The following SLC1A6 variants were observed in gnomAD, a reference collection of about 807,000 sequenced individuals.
The protein encoded by SLC1A6 is excitatory amino acid transporter 4.
Under a neutral mutation model 42.1 loss-of-function variants are expected in SLC1A6, and 15 were observed. That is an observed-to-expected ratio of 0.36 (90% CI 0.24 to 0.55). The LOEUF is 0.55. Ranked by LOEUF, SLC1A6 falls within the 20% of genes least tolerant of loss-of-function variation. The pLI is 0.88. For synonymous variants in SLC1A6, 317 were observed against 319.7 expected, an observed-to-expected ratio of 0.99 and a Z score of 0.09; for missense variants, 542 against 772.5, an observed-to-expected ratio of 0.70 and a Z score of 3.54.
chr19:14,962,787 C>T lies in SLC1A6; in HGVS notation c.592-442G>A, dbSNP rs1435388183. ...GTGTGGCAGTGCGTGCCTGTAGTCC[C>T]AGCCACTTGGGAGGCTGAGGCAGGA... On this transcript the variant is annotated intron_variant, in intron 5 of 9. Coordinates refer to ENST00000594383, the MANE Select transcript of SLC1A6 (RefSeq NM_005071.3). Among the ~76,000 whole-genome samples the T allele has an allele frequency of 2.0e-5, 3 of 152,116 alleles. No homozygotes were observed. In the East Asian group the frequency reaches 5.8e-4, roughly 29 times the overall value.
At position 14,954,208 on chromosome 19, in the gene SLC1A6, C is replaced by T; in HGVS notation, c.1291G>A (p.Glu431Lys). The T allele has an allele frequency of 1.9e-6, 3 of 1,614,138 alleles. No individual in the cohort carries two copies. The highest frequency in any genetic ancestry group is 2.5e-6 in the Non-Finnish European group (3 of 1,180,006). Residue 431 changes from glutamate (E) to lysine (K), a missense_variant, in exon 8 of 10, where the codon GAG becomes AAG. By Grantham distance (56) the Glu-to-Lys change is moderately conservative. Around this residue, in one of 6 missense-constraint regions of SLC1A6, gnomAD observed 54 missense variants for 125.1 expected, o/e 0.43. Coordinates refer to ENST00000594383, the MANE Select transcript of SLC1A6 (RefSeq NM_005071.3). ...GCAATGAAGATGGCAGCCAGGGCCTCGTAGAGGGCAGTGCCATCCATGTTG... is the reference window on the plus strand; with the variant it reads ...GCAATGAAGATGGCAGCCAGGGCCTTGTAGAGGGCAGTGCCATCCATGTTG... ...TVNMDGTALY[E>K]ALAAIFIAQV...
chr19:15,002,392 T>C (rs1481348658), intron 1 of SLC1A6, among the ~76,000 whole-genome samples: 1 of 152,144 alleles, frequency 6.6e-6, no homozygotes, highest in Non-Finnish European at 1.5e-5. Context: ...TACCTCAGCC[T>C]CCCAAAGTGC....
intron 1 of SLC1A6, among the ~76,000 whole-genome samples, chr19:15,009,989 C>T (rs1276548648): frequency 6.7e-6 from 1 of 148,692 alleles, no homozygotes; most frequent in Admixed American, 6.8e-5. Flanking sequence ...ACCAGCCTGG[C>T]CAACATGGCG....
Position 14,950,059 on chromosome 19 carries a change from C to A in SLC1A6, c.*136G>T. 1.8e-6 allele frequency: 1 copy of A among 548,582 alleles called. No individual in the cohort carries two copies. Among genetic ancestry groups the A allele is most frequent in the Non-Finnish European group, 3.1e-6 (1 of 325,608 alleles). The allele number at this position is 548,582 out of a possible 1,614,324, so 34.0% of individuals were successfully genotyped here. On this transcript the variant is annotated 3_prime_UTR_variant, in exon 10 of 10. Coordinates refer to ENST00000594383, the MANE Select transcript of SLC1A6 (RefSeq NM_005071.3). ...ACCTTTCATTCCTGCTCCTTTATTT[C>A]ACTTTTCCCTCCCCCCTAAATGAGT...
upstream of SLC1A6, among the ~76,000 whole-genome samples, chr19:14,982,114 A>T (rs192395854): frequency 6.5e-4 from 99 of 152,210 alleles, no homozygotes; most frequent in African/African-American, 2.4e-3. Flanking sequence ...AGAAACTGTC[A>T]CAGCCGAGAG....
chr19:14,971,602 T>C (rs1248316953), intron 3 of SLC1A6, 135 bp downstream of exon 3: 8 of 884,160 alleles, frequency 9.0e-6, no homozygotes, highest in Non-Finnish European at 1.4e-5. Context: ...CCAAGGACGC[T>C]GGACCAGACA....
chr19:14,962,390 A>T, intron 5 of SLC1A6, 45 bp from the exon 6 acceptor site: 1 of 1,440,226 alleles, frequency 6.9e-7, no homozygotes, highest in South Asian at 1.2e-5. Context: ...CAGCGGATGC[A>T]TTAGAATCGC....
At chr19:15,000,799 G>T (rs998698507) in intron 1 of SLC1A6, among the ~76,000 whole-genome samples, 2 of 152,082 alleles carry the variant, frequency 1.3e-5, no homozygotes, top group Non-Finnish European at 2.9e-5. Flanking sequence ...ACACCAGTAG[G>T]ATCCAACCCA....
intron 1 of SLC1A6, chr19:14,974,983 A>C (rs1415162319): frequency 6.6e-6 from 1 of 151,614 alleles, no homozygotes; most frequent in East Asian, 2.0e-4. Flanking sequence ...GATTGTAGGC[A>C]TGAGACACCG....
chr19:14,959,227 CTT>C (rs1489262581), intron 6 of SLC1A6, among the ~76,000 whole-genome samples: 4 of 152,178 alleles, frequency 2.6e-5, no homozygotes, highest in Non-Finnish European at 4.4e-5. Context: ...TTTCTAAGTC[CTT>C]TTGTAAGCAA....
At chr19:14,956,203 A>G (rs1460284448) in intron 7 of SLC1A6, among the ~76,000 whole-genome samples, 1 of 152,174 alleles carries the variant, frequency 6.6e-6, no homozygotes, top group African/African-American at 2.4e-5. Context: ...GACTGAGCTC[A>G]TGGGGCATCC....
At position 14,968,310 on chromosome 19, in the gene SLC1A6, G is replaced by T. The variant is rs755608395; in HGVS notation, c.541C>A (p.Leu181Met). 6.2e-7 allele frequency: 1 copy of T among 1,612,024 alleles called. No individual in the cohort carries two copies. Among genetic ancestry groups the T allele is most frequent in the Non-Finnish European group, 8.5e-7 (1 of 1,178,808 alleles). Residue 181 changes from leucine (L) to methionine (M), a missense_variant, in exon 4 of 10, where the codon CTG becomes ATG. Physicochemically the swap from Leu to Met is conservative, Grantham distance 15. This residue lies in a region of SLC1A6 where 298 missense variants were observed against 419.4 expected (regional missense o/e 0.71). Transcript: ENST00000594383. ...TTTTTTAGGTTGGCACACCTGATCA[G>T]GTCCATGAAGGCATCAGCTGTGGGG... ...TIPTADAFMD[L>M]IRNMFPPNLV... is the part of the protein sequence containing the mutation.
intron 6 of SLC1A6, 92 bp from the exon 7 acceptor site, chr19:14,956,801 G>A: frequency 7.7e-6 from 6 of 778,864 alleles, no homozygotes; most frequent in Non-Finnish European, 1.3e-5. Context: ...CCCATATAGG[G>A]CCCTGGAGCC....
chr19:14,962,579 T>C (rs1460555901), intron 5 of SLC1A6, among the ~76,000 whole-genome samples: 3 of 152,162 alleles, frequency 2.0e-5, no homozygotes, highest in Non-Finnish European at 4.4e-5. Context: ...AAACCCATTA[T>C]GAAAAATCAT....
At chr19:14,980,967 T>G (rs1329625497), upstream of SLC1A6, among the ~76,000 whole-genome samples, 2 of 152,064 alleles carry the variant, frequency 1.3e-5, no homozygotes, top group African/African-American at 4.8e-5. Context: ...CAAACTTAGC[T>G]GTATTTTAAA....
upstream of SLC1A6, among the ~76,000 whole-genome samples, chr19:14,981,033 A>G (rs1291410430): frequency 6.6e-6 from 1 of 151,922 alleles, no homozygotes; most frequent in Non-Finnish European, 1.5e-5. Flanking sequence ...TGGCCCATGC[A>G]TGTAATCCCA....
intron 9 of SLC1A6, among the ~76,000 whole-genome samples, chr19:14,952,472 C>T (rs564870622): frequency 1.3e-5 from 2 of 151,412 alleles, no homozygotes; most frequent in Admixed American, 6.6e-5. Context: ...AGGAGAATGG[C>T]GTGAACCCAG....
At chr19:14,972,633 T>A in intron 2 of SLC1A6, 73 bp downstream of exon 2, 1 of 1,273,494 alleles carries the variant, frequency 7.9e-7, no homozygotes, top group Non-Finnish European at 1.1e-6. Context: ...CAAAGAGATG[T>A]GTAGAGGCCA....
At chr19:14,998,393 T>C (rs2045856896) in intron 1 of SLC1A6, among the ~76,000 whole-genome samples, 1 of 151,988 alleles carries the variant, frequency 6.6e-6, no homozygotes, top group Non-Finnish European at 1.5e-5. Context: ...ATACAAAAAT[T>C]AGCCAGTCAT....
Sources: gnomAD v4.1 joint callset for allele counts (sites outside exome capture counted in the v4.1 genomes callset) on GRCh38, gnomAD v4.1.1 for gene constraint, gnomAD v4.1.1 regional missense constraint, MANE v1.5 for transcripts, NCBI Gene and HGNC (gene_info 2026-07-23, HGNC 2026-07-21) for gene names.